PRKCH: variants seen among roughly 807,000 people sequenced by gnomAD.
PRKCH encodes protein kinase C eta.
PRKCH carries 28 observed loss-of-function variants against 82.5 expected under a neutral mutation model. The observed-to-expected ratio is 0.34, with a 90% CI of 0.25 to 0.47. The LOEUF (loss-of-function observed/expected upper bound fraction) is 0.47, where lower values mean the gene tolerates loss of function less well. PRKCH is among the 20% of genes least tolerant of loss of function. The pLI, the probability that PRKCH is intolerant of heterozygous loss-of-function variation, is 1.00. For missense variants in PRKCH, 705 were observed against 881.8 expected (o/e 0.80, Z 2.54); for synonymous variants, 322 against 327.4 (o/e 0.98, Z 0.18).
intron 1 of PRKCH, among the ~76,000 whole-genome samples, chr14:61,339,393 A>G (rs909686194): frequency 3.4e-5 from 5 of 146,818 alleles, no homozygotes; most frequent in East Asian, 2.1e-4. Context: ...GCGCAATCTC[A>G]GCTCACTGCA....
In PRKCH at chr14:61,280,738, G is replaced by C; in HGVS notation, c.-19+93070G>C. 6.4e-7 allele frequency: 1 copy of C among 1,573,544 alleles called. No homozygotes were observed. Among genetic ancestry groups the C allele is most frequent in the Non-Finnish European group, 8.6e-7 (1 of 1,165,550 alleles). ...GTTGACAGGGTGGCGCAGCGCGCTG[G>C]GGAGTCCGCTCAGCTGCGCGTCGTC... is the stretch of plus-strand genomic sequence containing the variant. On this transcript the variant is annotated intron_variant, in intron 1 of 3. Coordinates refer to the PRKCH transcript ENST00000555185. The surrounding 1 kb of genome is among the most constrained non-coding windows in gnomAD (Gnocchi z 5.0).
intron 1 of PRKCH, among the ~76,000 whole-genome samples, chr14:61,231,456 G>A (rs958234664): frequency 1.3e-4 from 19 of 147,276 alleles, no homozygotes; most frequent in African/African-American, 4.5e-4. Flanking sequence ...TCTGCCTCCC[G>A]GGTTCACGCC....
intron 1 of PRKCH, among the ~76,000 whole-genome samples, chr14:61,248,964 G>A (rs1052050887): frequency 3.3e-5 from 5 of 152,020 alleles, no homozygotes; most frequent in African/African-American, 4.8e-5. Context: ...ACCATTCTCG[G>A]CTAATTTTTG....
At chr14:61,279,867 A>T in intron 1 of PRKCH, 1 of 556,892 alleles carries the variant, frequency 1.8e-6, no homozygotes, top group Non-Finnish European at 3.2e-6. Flanking sequence ...AGGTGGGAAG[A>T]GTTTGCAAGG....
chr14:61,512,771 G>A (rs1887432865), intron 10 of PRKCH, among the ~76,000 whole-genome samples: 1 of 152,088 alleles, frequency 6.6e-6, no homozygotes, highest in African/African-American at 2.4e-5. Context: ...TTAGTCACTG[G>A]CTTTTGTACC....
Position 61,280,733 on chromosome 14 carries a change from C to T in PRKCH, c.-19+93065C>T. On this transcript the variant is annotated intron_variant, in intron 1 of 3. Transcript: ENST00000555185. The surrounding 1 kb of genome is among the most constrained non-coding windows in gnomAD (Gnocchi z 5.0). ...CACTCGTTGACAGGGTGGCGCAGCG[C>T]GCTGGGGAGTCCGCTCAGCTGCGCG... The T allele has an allele frequency of 1.3e-6, 2 of 1,574,772 alleles. No homozygotes were observed. The highest frequency in any genetic ancestry group is 1.7e-6 in the Non-Finnish European group (2 of 1,165,600).
At chr14:61,326,315 T>C (rs78346555) in intron 1 of PRKCH, among the ~76,000 whole-genome samples, 5,150 of 152,268 alleles carry the variant, frequency 0.034, 179 homozygotes, top group East Asian at 0.16. Flanking sequence ...AGAATAATTA[T>C]GCTGAGTGAA....
At chr14:61,266,297 A>C (rs2045100134) in intron 1 of PRKCH, among the ~76,000 whole-genome samples, 1 of 151,632 alleles carries the variant, frequency 6.6e-6, no homozygotes, top group Non-Finnish European at 1.5e-5. Flanking sequence ...ATGCACCTGT[A>C]ATTCCAGCTA....
At chr14:61,441,216 T>C (rs1012260082) in intron 2 of PRKCH, among the ~76,000 whole-genome samples, 2 of 152,188 alleles carry the variant, frequency 1.3e-5, no homozygotes, top group Non-Finnish European at 1.5e-5. Flanking sequence ...TACATTTTTT[T>C]GAATGCTGCG....
intron 9 of PRKCH, among the ~76,000 whole-genome samples, chr14:61,482,370 T>A (rs1283968568): frequency 6.6e-6 from 1 of 152,194 alleles, no homozygotes; most frequent in East Asian, 1.9e-4. Flanking sequence ...CTTGGAGAAA[T>A]TGCTGCCAAA....
In PRKCH at chr14:61,280,569, G is replaced by C; in HGVS notation, c.-19+92901G>C. ...AGTCGGTCCACCAGGCGATGCCGGA[G>C]CGGTCGAGCGGCACCTCGACGTAGG... On this transcript the variant is annotated intron_variant, in intron 1 of 3. Transcript: ENST00000555185. This position sits in a 1 kb window ranked among gnomAD's most constrained non-coding sequence, Gnocchi z 5.0. 4 of 1,605,142 alleles carry C rather than the reference G, an allele frequency of 2.5e-6. No homozygotes were observed. Among genetic ancestry groups the C allele is most frequent in the South Asian group, 1.1e-5 (1 of 90,302 alleles).
chr14:61,374,153 G>C (rs4899040), intron 1 of PRKCH, among the ~76,000 whole-genome samples: 16,585 of 152,156 alleles, frequency 0.11, 1,662 homozygotes, highest in African/African-American at 0.25. Context: ...AAATCTTAAA[G>C]CTCCAAAGTA....
intron 1 of PRKCH, among the ~76,000 whole-genome samples, chr14:61,287,204 TAAAAAAAAAAAAAA>T (rs35045657): frequency 1.6e-4 from 9 of 57,934 alleles, no homozygotes; most frequent in Admixed American, 5.2e-4. Flanking sequence ...GACTCCGTCT[TAAAAAAAAAAAAAA>T]AAAAAAAAAA....
intron 9 of PRKCH, among the ~76,000 whole-genome samples, chr14:61,469,104 G>A (rs999200594): frequency 6.6e-6 from 1 of 152,112 alleles, no homozygotes; most frequent in Non-Finnish European, 1.5e-5. Context: ...TCTTTTATTT[G>A]TTTTCATTTT....
At chr14:61,499,947 G>A (rs1594765835) in intron 10 of PRKCH, among the ~76,000 whole-genome samples, 1 of 151,136 alleles carries the variant, frequency 6.6e-6, no homozygotes, top group Admixed American at 6.6e-5. Context: ...AGGCAGTCTG[G>A]GTCTCCCAAT....
chr14:61,510,407 G>C (rs1391846388), intron 10 of PRKCH, among the ~76,000 whole-genome samples: 1 of 152,036 alleles, frequency 6.6e-6, no homozygotes, highest in Non-Finnish European at 1.5e-5. Flanking sequence ...GCCAGTAATG[G>C]TGGGAAGAGA....
intron 2 of PRKCH, among the ~76,000 whole-genome samples, chr14:61,424,416 G>A (rs1463484209): frequency 6.6e-6 from 1 of 152,206 alleles, no homozygotes; most frequent in Non-Finnish European, 1.5e-5. Context: ...TAGCGACATG[G>A]ACAATGGAGT....
At chr14:61,322,808 A>G (rs901725175) in intron 1 of PRKCH, 9 of 260,348 alleles carry the variant, frequency 3.5e-5, no homozygotes, top group African/African-American at 1.9e-4. Flanking sequence ...TAGGAAAGGC[A>G]GGGAAGGAGT....
Position 61,546,293 on chromosome 14 carries a change from C to G in PRKCH, c.1762-1450C>G, listed in dbSNP as rs555487693. ...CCACTGTAAGTGCCTGAAGTGGCAG[C>G]TGCTCTGACTGGGCCTGTGCAGCTC... is the stretch of plus-strand genomic sequence containing the variant. On this transcript the variant is annotated intron_variant, in intron 12 of 13. Transcript: ENST00000332981. Among the ~76,000 whole-genome samples the G allele has an allele frequency of 2.0e-5, 3 of 152,370 alleles. No homozygotes were observed. The South Asian group carries it at 6.2e-4, about 32-fold the overall frequency.
Sources: allele counts gnomAD v4.1 joint callset (sites outside exome capture counted in the v4.1 genomes callset), GRCh38; gene constraint gnomAD v4.1.1; non-coding constraint Gnocchi (gnomAD v3.1); transcripts MANE v1.5; gene names NCBI Gene and HGNC (gene_info 2026-07-23, HGNC 2026-07-21).